The following GALK2 variants were observed in gnomAD, a reference collection of about 807,000 sequenced individuals.
GALK2 encodes the protein galactokinase 2, also known as N-acetylgalactosamine kinase.
GALK2 carries 36 observed loss-of-function variants against 52.4 expected under a neutral mutation model. That is an observed-to-expected ratio of 0.69 (90% CI 0.53 to 0.91). The LOEUF (loss-of-function observed/expected upper bound fraction) is 0.91, where lower values mean the gene tolerates loss of function less well. GALK2 is among the 40% of genes least tolerant of loss of function. The pLI is 0.00. For synonymous variants in GALK2, 176 were observed against 199.1 expected, an observed-to-expected ratio of 0.88 and a Z score of 0.98; for missense variants, 579 against 559.1, an observed-to-expected ratio of 1.04 and a Z score of -0.36.
Position 49,328,203 on chromosome 15 carries a change from A to C in GALK2, c.*44A>C, listed in dbSNP as rs2037867533. On this transcript the variant is annotated 3_prime_UTR_variant, in exon 10 of 10. Coordinates refer to ENST00000560031, the MANE Select transcript of GALK2 (RefSeq NM_002044.4). ...AGAGAAACTACTTAGGGCACTTAGG[A>C]ATTGGCAGGACTTTCTGTGCCACAG... 1 of 1,568,692 alleles carries C rather than the reference A, an allele frequency of 6.4e-7. No individual in the cohort carries two copies. The highest frequency in any genetic ancestry group is 1.4e-5 in the African/African-American group (1 of 73,766).
intron 5 of GALK2, among the ~76,000 whole-genome samples, chr15:49,252,637 A>G (rs1232180798): frequency 2.0e-5 from 3 of 152,204 alleles, no homozygotes; most frequent in African/African-American, 7.2e-5. Context: ...GAAGGCTCTG[A>G]TGAATATTCT....
intron 5 of GALK2, among the ~76,000 whole-genome samples, chr15:49,272,293 G>GTC (rs1298306793): frequency 6.6e-6 from 1 of 152,212 alleles, no homozygotes; most frequent in African/African-American, 2.4e-5. Context: ...CCTGCACAGT[G>GTC]TCTAGCCCTA....
chr15:49,203,124 C>T lies in GALK2; in HGVS notation c.142+1874C>T, dbSNP rs140045017. Reference sequence around the variant, plus strand: ...GGAGTGCAGTGGCACGATCTGGGCTCACTGCAACCTCCACCTCCTGGGTTC... The same window carrying T: ...GGAGTGCAGTGGCACGATCTGGGCTTACTGCAACCTCCACCTCCTGGGTTC... On this transcript the variant is annotated intron_variant, in intron 2 of 9. Coordinates refer to ENST00000560031, the MANE Select transcript of GALK2 (RefSeq NM_002044.4). 8.7e-3 allele frequency among the ~76,000 whole-genome samples: 1,322 copies of T among 152,166 alleles called. 25 individuals carry two copies. Among genetic ancestry groups the T allele is most frequent in the African/African-American group, 0.031 (1,270 of 41,534 alleles).
chr15:49,283,461 A>C, intron 6 of GALK2, 105 bp from the exon 7 acceptor site: 3 of 963,058 alleles, frequency 3.1e-6, no homozygotes, highest in Admixed American at 2.4e-5. Context: ...TATTTGAATG[A>C]ATGAATGCAT....
intron 3 of GALK2, among the ~76,000 whole-genome samples, chr15:49,222,084 C>T (rs2089835930): frequency 6.6e-6 from 1 of 152,100 alleles, no homozygotes; most frequent in Non-Finnish European, 1.5e-5. Context: ...TTTCATTCAT[C>T]AGTGTTTTCT....
intron 5 of GALK2, among the ~76,000 whole-genome samples, chr15:49,277,063 T>C (rs963409867): frequency 3.6e-5 from 5 of 140,844 alleles, no homozygotes; most frequent in Non-Finnish European, 7.6e-5. Context: ...AAGCTCCGCC[T>C]CCTGGGTTCA....
chr15:49,282,059 A>C lies in GALK2; in HGVS notation c.577A>C (p.Ile193Leu). The change falls in exon 6 of 10, where the codon ATA becomes CTA. Residue 193 changes from isoleucine to leucine, a missense_variant. By Grantham distance (5) the Ile-to-Leu change is conservative (BLOSUM62 2). Transcript: ENST00000560031. Reference protein sequence around the residue: ...GTEGGGMDQSISFLAEEGTAK... With the variant: ...GTEGGGMDQSLSFLAEEGTAK... Reference sequence around the variant, plus strand: ...TGAAGGAGGAGGCATGGACCAGTCTATATCATTTCTTGCAGAAGAAGGAAC... The same window carrying C: ...TGAAGGAGGAGGCATGGACCAGTCTCTATCATTTCTTGCAGAAGAAGGAAC... 6.2e-7 allele frequency: 1 copy of C among 1,613,450 alleles called. No individual in the cohort carries two copies. Among genetic ancestry groups the C allele is most frequent in the East Asian group, 2.2e-5 (1 of 44,866 alleles).
At chr15:49,334,412 C>CT (rs1226320441), downstream of GALK2, 2 of 166,180 alleles carry the variant, frequency 1.2e-5, no homozygotes, top group African/African-American at 4.8e-5. Flanking sequence ...CAAACCAATT[C>CT]ATTCCCTCCC....
intron 1 of GALK2, among the ~76,000 whole-genome samples, chr15:49,162,282 A>T (rs2084679321): frequency 6.6e-6 from 1 of 152,208 alleles, no homozygotes; most frequent in African/African-American, 2.4e-5. Flanking sequence ...TAGTATAATT[A>T]TGTTGAGATT....
intron 3 of GALK2, among the ~76,000 whole-genome samples, chr15:49,352,455 T>A (rs1186105152): frequency 1.3e-5 from 2 of 152,182 alleles, no homozygotes; most frequent in African/African-American, 4.8e-5. Context: ...TATCAGCAGC[T>A]GAGGAAATCC....
At chr15:49,180,844 T>C (rs1273555657) in intron 1 of GALK2, among the ~76,000 whole-genome samples, 1 of 152,184 alleles carries the variant, frequency 6.6e-6, no homozygotes, top group African/African-American at 2.4e-5. Context: ...GGGGATCCTT[T>C]AATGTACCTT....
intron 3 of GALK2, among the ~76,000 whole-genome samples, chr15:49,222,102 C>G (rs1450039997): frequency 1.3e-5 from 2 of 151,898 alleles, no homozygotes; most frequent in Non-Finnish European, 2.9e-5. Flanking sequence ...TCTAGTTTTC[C>G]TTAGAGATCT....
At position 49,214,027 on chromosome 15, in the gene GALK2, G is replaced by A. The variant is rs192019982; in HGVS notation, c.143-3163G>A. ...CCCAGCTACTCAGGAGGCTGAGGCAGGAGAATGGCATGAACCCGGGAGGTG... is the reference window on the plus strand; with the variant it reads ...CCCAGCTACTCAGGAGGCTGAGGCAAGAGAATGGCATGAACCCGGGAGGTG... On this transcript the variant is annotated intron_variant, in intron 2 of 9. Coordinates refer to ENST00000560031, the MANE Select transcript of GALK2 (RefSeq NM_002044.4). 8.1e-4 allele frequency among the ~76,000 whole-genome samples: 124 copies of A among 152,168 alleles called. 1 individual carries two copies. The highest frequency in any genetic ancestry group is 2.9e-3 in the African/African-American group (120 of 41,520).
chr15:49,265,189 G>C (rs2092311415), intron 5 of GALK2, among the ~76,000 whole-genome samples: 1 of 152,190 alleles, frequency 6.6e-6, no homozygotes. Context: ...AGCCTACAGA[G>C]GCAGGCAGGC....
At chr15:49,204,862 C>G (rs762836032) in intron 2 of GALK2, among the ~76,000 whole-genome samples, 28 of 152,158 alleles carry the variant, frequency 1.8e-4, no homozygotes, top group Non-Finnish European at 3.7e-4. Context: ...TCCCACTCTT[C>G]CTCACAAGTC....
rs2038744149 is a variant in GALK2, at chr15:49,331,498, A to G, written c.*3339A>G. The G allele has an allele frequency of 2.8e-6, 1 of 351,706 alleles. No homozygotes were observed. The highest frequency in any genetic ancestry group is 5.1e-5 in the South Asian group (1 of 19,796). The allele number at this position is 351,706 out of a possible 1,614,324, so 21.8% of individuals were successfully genotyped here. ...TGAAAAACTTACAATTTTAAACATC[A>G]GTGATTATTAGTTTGTAATTCTAAC... On this transcript the variant is annotated 3_prime_UTR_variant, in exon 10 of 10. Transcript: ENST00000560031.
intron 5 of GALK2, among the ~76,000 whole-genome samples, chr15:49,268,891 G>A (rs1306535367): frequency 6.6e-6 from 1 of 152,046 alleles, no homozygotes; most frequent in Non-Finnish European, 1.5e-5. Context: ...TACCAATAGT[G>A]TGCTAAACTA....
At chr15:49,195,037 C>T (rs960945286) in intron 1 of GALK2, 2 of 446,734 alleles carry the variant, frequency 4.5e-6, no homozygotes, top group African/African-American at 4.1e-5. Flanking sequence ...ATCATCTTAT[C>T]CAAAACAGGG....
At chr15:49,184,242 T>G (rs887025883) in intron 1 of GALK2, among the ~76,000 whole-genome samples, 11 of 152,134 alleles carry the variant, frequency 7.2e-5, no homozygotes, top group African/African-American at 2.7e-4. Flanking sequence ...TCTCTTCTTA[T>G]AGTTTTTTTT....
Sources: allele counts gnomAD v4.1 joint callset (sites outside exome capture counted in the v4.1 genomes callset), GRCh38; gene constraint gnomAD v4.1.1; transcripts MANE v1.5; gene names NCBI Gene and HGNC (gene_info 2026-07-23, HGNC 2026-07-21).